The following DDX27 variants were observed in gnomAD, a reference collection of about 807,000 sequenced individuals.
The protein encoded by DDX27 is probable ATP-dependent RNA helicase DDX27.
A neutral mutation model predicts 99.3 loss-of-function variants in DDX27; 42 were observed. The observed-to-expected ratio is 0.42, with a 90% CI of 0.33 to 0.55. The LOEUF (loss-of-function observed/expected upper bound fraction) is 0.55. DDX27 is among the 20% of genes least tolerant of loss of function. The pLI is 0.07. For synonymous variants in DDX27, 329 were observed against 353.8 expected (o/e 0.93, Z 0.79); for missense variants, 798 against 976.8 (o/e 0.82, Z 2.44).
intron 11 of DDX27, 159 bp from the exon 12 acceptor site, chr20:49,234,776 C>A: frequency 1.2e-6 from 1 of 800,544 alleles, no homozygotes; most frequent in Non-Finnish European, 1.8e-6. Context: ...CAGGAATTGG[C>A]TTCTCTGTAT....
chr20:49,229,002 T>A, intron 8 of DDX27, 114 bp downstream of exon 8: 2 of 957,964 alleles, frequency 2.1e-6, no homozygotes, highest in Non-Finnish European at 2.8e-6. Flanking sequence ...GCCTTTGTGT[T>A]GATTGAATCC....
intron 18 of DDX27, 73 bp from the exon 19 acceptor site, chr20:49,242,521 T>C: frequency 7.0e-7 from 1 of 1,431,640 alleles, no homozygotes; most frequent in Non-Finnish European, 9.7e-7. Flanking sequence ...TTGGAATCAT[T>C]ACCTTGAACT....
chr20:49,226,987 C>T (rs959408933), intron 7 of DDX27, among the ~76,000 whole-genome samples: 5 of 148,014 alleles, frequency 3.4e-5, no homozygotes, highest in African/African-American at 9.9e-5. Flanking sequence ...CTCAGCCTCC[C>T]AAGTAGCTGG....
Position 49,243,945 on chromosome 20 carries a change from A to C in DDX27, c.*111A>C. 5.3e-6 allele frequency: 7 copies of C among 1,323,656 alleles called. No individual in the cohort carries two copies. The highest frequency in any genetic ancestry group is 7.4e-6 in the Non-Finnish European group (7 of 951,176). The allele number at this position is 1,323,656 out of a possible 1,614,324, so 82.0% of individuals were successfully genotyped here. A position where few individuals can be genotyped will look rare whatever the true frequency, so the allele number is the denominator to read the frequency against. On this transcript the variant is annotated 3_prime_UTR_variant, in exon 21 of 21. Coordinates refer to ENST00000618172, the MANE Select transcript of DDX27 (RefSeq NM_017895.8). ...ATTTGTTTAAAAAAAAAACAAAAAC[A>C]AAAAACAACACTTTGGTGTGGTGGT...
Position 49,233,320 on chromosome 20 carries a change from A to C in DDX27, c.1046A>C (p.Tyr349Ser), listed in dbSNP as rs1033752661. ...LDEADRMLDE[Y>S]FEEQMKEIIR... ...TCTGCTCCCAGGATGCTGGATGAGT[A>C]CTTTGAGGAGCAGATGAAGGAGATC... is the stretch of plus-strand genomic sequence containing the variant. The change falls in exon 10 of 21, where the codon TAC becomes TCC. Residue 349 changes from tyrosine to serine, a missense_variant. Physicochemically the swap from Tyr to Ser is moderately radical, Grantham distance 144. Coordinates refer to ENST00000618172, the MANE Select transcript of DDX27 (RefSeq NM_017895.8). The C allele has an allele frequency of 6.2e-7, 1 of 1,613,774 alleles. No individual in the cohort carries two copies. Among genetic ancestry groups the C allele is most frequent in the Non-Finnish European group, 8.5e-7 (1 of 1,179,900 alleles).
intron 14 of DDX27, 137 bp from the exon 15 acceptor site, chr20:49,238,812 G>C: frequency 2.7e-6 from 1 of 374,982 alleles, no homozygotes; most frequent in East Asian, 5.9e-5. Context: ...GTCTGGCCAC[G>C]TTGCCCAGGC....
intron 9 of DDX27, among the ~76,000 whole-genome samples, chr20:49,232,045 C>T (rs957892184): frequency 1.3e-5 from 2 of 152,072 alleles, no homozygotes; most frequent in African/African-American, 4.8e-5. Flanking sequence ...GCTACCATGC[C>T]TGGCTTATTT....
chr20:49,239,423 A>G (rs749277494), intron 16 of DDX27, 85 bp downstream of exon 16: 1 of 995,754 alleles, frequency 1.0e-6, no homozygotes, highest in Non-Finnish European at 1.5e-6. Context: ...CTATACTGTA[A>G]AGCAGCGGTC....
chr20:49,234,860 T>A, intron 11 of DDX27, 75 bp from the exon 12 acceptor site: 6 of 1,492,610 alleles, frequency 4.0e-6, no homozygotes, highest in Non-Finnish European at 5.4e-6. Flanking sequence ...TGACCATACT[T>A]TGTGGATGAG....
intron 1 of DDX27, among the ~76,000 whole-genome samples, chr20:49,220,677 G>T (rs1568969947): frequency 6.6e-6 from 1 of 152,196 alleles, no homozygotes; most frequent in East Asian, 1.9e-4. Flanking sequence ...GGCTCAGCCC[G>T]CTGCGTGGGA....
At chr20:49,239,429 C>A in intron 16 of DDX27, 91 bp downstream of exon 16, 2 of 919,934 alleles carry the variant, frequency 2.2e-6, no homozygotes, top group South Asian at 1.7e-5. Context: ...TGTAAAGCAG[C>A]GGTCCCCAAC....
intron 19 of DDX27, among the ~76,000 whole-genome samples, chr20:49,243,089 A>G (rs1347073283): frequency 1.3e-5 from 2 of 151,980 alleles, no homozygotes; most frequent in African/African-American, 4.8e-5. Flanking sequence ...TTGCACACCT[A>G]TAGCTTTATA....
chr20:49,226,336 G>C, intron 6 of DDX27, 94 bp from the exon 7 acceptor site: 1 of 813,294 alleles, frequency 1.2e-6, no homozygotes, highest in Non-Finnish European at 2.0e-6. Flanking sequence ...GTGGGGATTG[G>C]TGTGGTCCCC....
intron 6 of DDX27, 60 bp downstream of exon 6, chr20:49,225,259 G>T: frequency 1.5e-6 from 2 of 1,372,314 alleles, no homozygotes; most frequent in Non-Finnish European, 2.1e-6. Context: ...TGTTGTCCAA[G>T]ATGGTCTCAA....
chr20:49,227,976 G>A (rs1345131223), intron 7 of DDX27, among the ~76,000 whole-genome samples: 2 of 151,672 alleles, frequency 1.3e-5, no homozygotes, highest in Non-Finnish European at 2.9e-5. Flanking sequence ...GAGTAGCTGG[G>A]ATTACAGATA....
At position 49,224,985 on chromosome 20, in the gene DDX27, A is replaced by T; in HGVS notation, c.507A>T (p.Lys169Asn). The change falls in exon 5 of 21, where the codon AAA (lysine) becomes AAT (asparagine). Residue 169 changes from lysine to asparagine, a missense_variant. This residue lies in a region of DDX27 where 245 missense variants were observed against 248.8 expected (regional missense o/e 0.98). Transcript: ENST00000618172. ...AGGATCGGAAGAAGAAGAAGAAGAA[A>T]GGACAGGTGAGCTTGGGGCTGCAAG... Reference protein sequence around the residue: ...KVKDRKKKKKKGQEAGGFFED... With the variant: ...KVKDRKKKKKNGQEAGGFFED... 6.2e-7 allele frequency: 1 copy of T among 1,614,160 alleles called. No homozygotes were observed. Among genetic ancestry groups the T allele is most frequent in the Non-Finnish European group, 8.5e-7 (1 of 1,180,032 alleles).
intron 16 of DDX27, among the ~76,000 whole-genome samples, chr20:49,239,960 C>T (rs1980425222): frequency 6.6e-6 from 1 of 152,032 alleles, no homozygotes; most frequent in Non-Finnish European, 1.5e-5. Context: ...ATAATCCAGA[C>T]ACAAAGGGAC....
Position 49,239,216 on chromosome 20 carries a change from T to C in DDX27, c.1795-20T>C. The C allele has an allele frequency of 6.2e-7, 1 of 1,611,748 alleles. No homozygotes were observed. The highest frequency in any genetic ancestry group is 8.5e-7 in the Non-Finnish European group (1 of 1,178,050). Reference sequence around the variant, plus strand: ...GTAGATACGGGTTTCACGGCAGGCATCCTTTTGTTATCTCTACAGATCAAT... The same window carrying C: ...GTAGATACGGGTTTCACGGCAGGCACCCTTTTGTTATCTCTACAGATCAAT... On this transcript the variant is annotated intron_variant, in intron 15 of 20. Transcript: ENST00000618172.
chr20:49,220,627 C>T (rs1033650891), intron 1 of DDX27, among the ~76,000 whole-genome samples: 4 of 152,308 alleles, frequency 2.6e-5, no homozygotes, highest in African/African-American at 9.6e-5. Flanking sequence ...CGGGCGGCCA[C>T]CCAGGCCTGC....
Sources: gnomAD v4.1 joint callset for allele counts (sites outside exome capture counted in the v4.1 genomes callset) on GRCh38, gnomAD v4.1.1 for gene constraint, gnomAD v4.1.1 regional missense constraint, MANE v1.5 for transcripts, NCBI Gene and HGNC (gene_info 2026-07-23, HGNC 2026-07-21) for gene names.